The following DCC variants were observed in gnomAD, a reference collection of about 807,000 sequenced individuals.
The protein encoded by DCC is netrin receptor DCC.
Under a neutral mutation model 172.5 loss-of-function variants are expected in DCC, and 58 were observed. That is an observed-to-expected ratio of 0.34 (90% confidence interval 0.27 to 0.42). The LOEUF (loss-of-function observed/expected upper bound fraction) is 0.42, where lower values mean the gene tolerates loss of function less well. Among genes scored for constraint, DCC ranks in the 10% least tolerant of loss-of-function variants. The pLI is 1.00. For synonymous variants in DCC, 709 were observed against 644.5 expected (o/e 1.10, Z -1.52); for missense variants, 1,740 against 1,791.0 (o/e 0.97, Z 0.51).
intron 15 of DCC, among the ~76,000 whole-genome samples, chr18:53,363,699 T>A (rs2057972879): frequency 6.6e-6 from 1 of 152,166 alleles, no homozygotes; most frequent in Non-Finnish European, 1.5e-5. Flanking sequence ...CTCCAGAGTC[T>A]CCCATAGTAT....
At chr18:52,606,006 A>T (rs759887136) in intron 1 of DCC, among the ~76,000 whole-genome samples, 1 of 152,090 alleles carries the variant, frequency 6.6e-6, no homozygotes, top group South Asian at 2.1e-4. Context: ...CAATCTTTCA[A>T]TCTGGGTTAC....
chr18:53,535,630 T>G lies in DCC; in HGVS notation c.*4977T>G, dbSNP rs576743545. The stretch of plus-strand genomic sequence containing the variant: ...TTTTAACAAAAAGGTATTTTGAGCC[T>G]ACAAAAAGTTTCTTTAAACTGTCAG... On this transcript the variant is annotated 3_prime_UTR_variant, in exon 29 of 29. Transcript: ENST00000442544. 1.4e-4 allele frequency: 21 copies of G among 152,254 alleles called. No individual in the cohort carries two copies. The highest frequency in any genetic ancestry group is 5.1e-4 in the African/African-American group (21 of 41,500). The allele number at this position is 152,254 out of a possible 1,614,324, so 9.4% of individuals were successfully genotyped here.
intron 5 of DCC, among the ~76,000 whole-genome samples, chr18:52,956,508 A>G (rs983604206): frequency 2.4e-4 from 37 of 152,108 alleles, no homozygotes; most frequent in Non-Finnish European, 5.3e-4. Flanking sequence ...TTATAGTAGT[A>G]AATCTTGAAA....
At chr18:52,451,885 G>A (rs944668609) in intron 1 of DCC, among the ~76,000 whole-genome samples, 10 of 152,012 alleles carry the variant, frequency 6.6e-5, no homozygotes, top group Admixed American at 1.3e-4. Flanking sequence ...TTCTCTCTAG[G>A]CCTCTTTTTA....
chr18:52,608,124 C>T (rs2034175062), intron 1 of DCC, among the ~76,000 whole-genome samples: 1 of 152,076 alleles, frequency 6.6e-6, no homozygotes, highest in South Asian at 2.1e-4. Context: ...CTCTGCCACC[C>T]TAACCTCTCA....
intron 27 of DCC, among the ~76,000 whole-genome samples, chr18:53,521,329 T>C (rs150983019): frequency 2.2e-4 from 33 of 152,268 alleles, no homozygotes; most frequent in African/African-American, 7.9e-4. Flanking sequence ...TGGTAGTCTT[T>C]AGGCATGTCC....
rs551631489 is a variant in DCC, at chr18:53,459,255, G to C, written c.3416G>C (p.Gly1139Ala). The C allele has an allele frequency of 5.0e-6, 8 of 1,614,062 alleles. 1 individual carries two copies. In the South Asian group the frequency reaches 5.5e-5, roughly 11 times the overall value. ...QRKKRATHSA[G>A]KRKGSQKDLR... ...AGGAAACGGGCCACCCACAGTGCTG[G>C]CAAAAGGAAGGGCAGCCAGAAGGAC... The change falls in exon 24 of 29, where the codon GGC becomes GCC. Residue 1139 changes from glycine to alanine, a missense_variant. By Grantham distance (60) the Gly-to-Ala change is moderately conservative. Coordinates refer to ENST00000442544, the MANE Select transcript of DCC (RefSeq NM_005215.4).
At chr18:53,305,870 T>C (rs2057194356) in intron 13 of DCC, 151 bp downstream of exon 13, 1 of 742,976 alleles carries the variant, frequency 1.3e-6, no homozygotes, top group South Asian at 1.6e-5. Context: ...ACCTTTATAT[T>C]TTTAACTTTA....
chr18:52,610,054 C>T (rs775822985), intron 1 of DCC, among the ~76,000 whole-genome samples: 4 of 146,824 alleles, frequency 2.7e-5, no homozygotes, highest in Non-Finnish European at 4.5e-5. Flanking sequence ...TGGCTTACAC[C>T]TGTAATCCCA....
At chr18:53,268,022 T>A (rs937909260) in intron 12 of DCC, among the ~76,000 whole-genome samples, 42 of 152,328 alleles carry the variant, frequency 2.8e-4, no homozygotes, top group Non-Finnish European at 5.1e-4. Context: ...AGCACCTTAT[T>A]GCAAACTTAT....
chr18:53,167,647 T>TA (rs2054942419), intron 8 of DCC, among the ~76,000 whole-genome samples: 1 of 152,222 alleles, frequency 6.6e-6, no homozygotes, highest in African/African-American at 2.4e-5. Flanking sequence ...GCCATTTTTT[T>TA]ATGCTCAGTG....
intron 2 of DCC, among the ~76,000 whole-genome samples, chr18:52,890,810 G>A (rs2039637902): frequency 6.6e-6 from 1 of 152,096 alleles, no homozygotes; most frequent in Admixed American, 6.6e-5. Flanking sequence ...CTGAGGCTAA[G>A]AGAAGAGTAA....
intron 1 of DCC, among the ~76,000 whole-genome samples, chr18:52,743,562 T>C (rs2036858374): frequency 6.6e-6 from 1 of 152,206 alleles, no homozygotes; most frequent in African/African-American, 2.4e-5. Context: ...GAAGTTACTC[T>C]CCCGCTCCAA....
At chr18:53,187,632 A>T (rs925712432) in intron 9 of DCC, among the ~76,000 whole-genome samples, 1 of 152,180 alleles carries the variant, frequency 6.6e-6, no homozygotes, top group Admixed American at 6.5e-5. Context: ...GGATTCTTTT[A>T]ACTGCAGGTT....
At chr18:53,335,149 C>T (rs1166555418) in intron 14 of DCC, among the ~76,000 whole-genome samples, 1 of 152,060 alleles carries the variant, frequency 6.6e-6, no homozygotes, top group Non-Finnish European at 1.5e-5. Flanking sequence ...CAAACTCATC[C>T]CTGCAGTACA....
At chr18:53,508,407 A>G (rs564075971) in intron 27 of DCC, among the ~76,000 whole-genome samples, 1 of 151,746 alleles carries the variant, frequency 6.6e-6, no homozygotes, top group East Asian at 1.9e-4. Context: ...TGTCCAGGCT[A>G]GTCTCAAACT....
At chr18:52,689,897 T>C (rs185516795) in intron 1 of DCC, among the ~76,000 whole-genome samples, 1 of 152,274 alleles carries the variant, frequency 6.6e-6, no homozygotes, top group Non-Finnish European at 1.5e-5. Context: ...TAGTGATTTG[T>C]TTGCATTTGC....
At chr18:53,035,644 G>A (rs527638967) in intron 5 of DCC, among the ~76,000 whole-genome samples, 19 of 152,204 alleles carry the variant, frequency 1.2e-4, no homozygotes, top group Admixed American at 2.6e-4. Flanking sequence ...TTATAGCAGC[G>A]TAGGGAAAAC....
At chr18:53,120,224 T>C (rs976358078) in intron 7 of DCC, among the ~76,000 whole-genome samples, 1 of 151,906 alleles carries the variant, frequency 6.6e-6, no homozygotes, top group African/African-American at 2.4e-5. Context: ...TTGTTAATCA[T>C]GTATGTATTA....
Sources: allele counts gnomAD v4.1 joint callset (sites outside exome capture counted in the v4.1 genomes callset), GRCh38; gene constraint gnomAD v4.1.1; transcripts MANE v1.5; gene names NCBI Gene and HGNC (gene_info 2026-07-23, HGNC 2026-07-21).